Variants in PRKAR1B observed in about 807,000 individuals in gnomAD.
PRKAR1B encodes the protein cAMP-dependent protein kinase type I-beta regulatory subunit.
In PRKAR1B, 22 loss-of-function variants were observed where a neutral mutation model predicts 46.5. The observed-to-expected ratio is 0.47, with a 90% CI of 0.34 to 0.68. PRKAR1B has a LOEUF of 0.68. Among genes scored for constraint, PRKAR1B ranks in the 30% least tolerant of loss-of-function variants. The pLI is 0.01. For synonymous variants in PRKAR1B, 259 were observed against 217.7 expected, an observed-to-expected ratio of 1.19 and a Z score of -1.67; for missense variants, 445 against 535.6, an observed-to-expected ratio of 0.83 and a Z score of 1.67.
chr7:689,330 C>A (rs1166422804), intron 2 of PRKAR1B, among the ~76,000 whole-genome samples: 5 of 151,912 alleles, frequency 3.3e-5, no homozygotes, highest in Non-Finnish European at 4.4e-5. Context: ...ATCATATTAG[C>A]CAGGATGGTC....
At chr7:557,452 C>G (rs1044773816) in intron 9 of PRKAR1B, among the ~76,000 whole-genome samples, 9 of 152,250 alleles carry the variant, frequency 5.9e-5, no homozygotes, top group Admixed American at 2.0e-4. Context: ...GATACACCAC[C>G]CTGCACACTG....
intron 4 of PRKAR1B, among the ~76,000 whole-genome samples, chr7:631,323 C>T (rs1248811433): frequency 2.6e-5 from 4 of 152,318 alleles, no homozygotes; most frequent in South Asian, 2.1e-4. Context: ...GTGTGGACAG[C>T]GGCCCACCTC....
chr7:563,017 ATGAAATCTCCACTG>A (rs1471756437), intron 9 of PRKAR1B, among the ~76,000 whole-genome samples: 1 of 152,226 alleles, frequency 6.6e-6, no homozygotes, highest in Non-Finnish European at 1.5e-5. Context: ...ACGGGCGCTG[ATGAAATCTCCACTG>A]TGACTTCACA....
intron 4 of PRKAR1B, among the ~76,000 whole-genome samples, chr7:676,296 C>T (rs1208926633): frequency 1.6e-4 from 24 of 152,298 alleles, no homozygotes; most frequent in African/African-American, 5.8e-4. Flanking sequence ...CACGCTCAGC[C>T]CTCTCCCTGA....
In PRKAR1B at chr7:721,957, C is replaced by T. The variant is rs531443211; in HGVS notation, c.-23+5253G>A. Among the ~76,000 whole-genome samples the T allele has an allele frequency of 2.0e-3, 308 of 152,186 alleles. 2 individuals are homozygous for T. Among genetic ancestry groups the T allele is most frequent in the Non-Finnish European group, 2.8e-3 (190 of 68,016 alleles). On this transcript the variant is annotated intron_variant, in intron 1 of 10. Transcript: ENST00000537384. ...CTCTCTGTCAGTTAGTACTTTTCCT[C>T]CTTCTGTCTTTAGTTTCCAGGAGTT...
At chr7:594,029 C>T (rs1781132034) in intron 7 of PRKAR1B, among the ~76,000 whole-genome samples, 1 of 152,058 alleles carries the variant, frequency 6.6e-6, no homozygotes, top group Non-Finnish European at 1.5e-5. Context: ...ATCCTTGTTC[C>T]CCAATCAGAC....
At chr7:559,221 G>A (rs10230706) in intron 9 of PRKAR1B, among the ~76,000 whole-genome samples, 33,867 of 152,128 alleles carry the variant, frequency 0.22, 3,918 homozygotes, top group Non-Finnish European at 0.25. Flanking sequence ...CGCCAGGAGA[G>A]CCGAGAATCA....
At chr7:591,215 ATGTTCCTTC>A (rs1780956475) in intron 7 of PRKAR1B, among the ~76,000 whole-genome samples, 1 of 152,150 alleles carries the variant, frequency 6.6e-6, no homozygotes, top group South Asian at 2.1e-4. Context: ...TTTTGGGATC[ATGTTCCTTC>A]TGTGGCTGAG....
chr7:677,192 C>T (rs374662822), intron 4 of PRKAR1B, 37 bp downstream of exon 4: 36 of 1,598,932 alleles, frequency 2.3e-5, no homozygotes, highest in East Asian at 6.7e-5. Flanking sequence ...CCGAGGAGGG[C>T]GGCGGTGATG....
chr7:685,705 T>C (rs1400029640), intron 2 of PRKAR1B, among the ~76,000 whole-genome samples: 1 of 151,864 alleles, frequency 6.6e-6, no homozygotes, highest in East Asian at 1.9e-4. Context: ...TAGAGGACAA[T>C]GAAACGAAGC....
chr7:631,956 C>CAAA (rs35750745), intron 4 of PRKAR1B, among the ~76,000 whole-genome samples: 1 of 147,880 alleles, frequency 6.8e-6, no homozygotes. Context: ...GACCCTGTCT[C>CAAA]AAAAAAAAAA....
intron 4 of PRKAR1B, among the ~76,000 whole-genome samples, chr7:655,060 T>C (rs1785125344): frequency 6.6e-6 from 1 of 152,230 alleles, no homozygotes; most frequent in African/African-American, 2.4e-5. Flanking sequence ...CAGCATCTCC[T>C]GCCTGGAATT....
chr7:568,590 C>A (rs906164216), intron 9 of PRKAR1B, among the ~76,000 whole-genome samples: 1 of 152,226 alleles, frequency 6.6e-6, no homozygotes, highest in Non-Finnish European at 1.5e-5. Flanking sequence ...GACCACCCCC[C>A]ACAAGGGAGG....
intron 2 of PRKAR1B, among the ~76,000 whole-genome samples, chr7:681,528 T>A (rs982986734): frequency 2.6e-5 from 4 of 152,078 alleles, no homozygotes; most frequent in Non-Finnish European, 5.9e-5. Context: ...TTAAAGTGAG[T>A]GAGAGGCTGA....
At chr7:585,757 G>A (rs551481581) in intron 7 of PRKAR1B, among the ~76,000 whole-genome samples, 62 of 152,176 alleles carry the variant, frequency 4.1e-4, no homozygotes, top group Middle Eastern at 3.4e-3. Context: ...CTGCAGCTCC[G>A]CAGGGCTGAG....
chr7:643,821 G>A (rs28398949), intron 4 of PRKAR1B, among the ~76,000 whole-genome samples: 2 of 152,092 alleles, frequency 1.3e-5, no homozygotes, highest in African/African-American at 4.8e-5. Context: ...TTGTGAGGGA[G>A]CTCAAGCCCC....
chr7:554,077 G>C (rs904120276), intron 9 of PRKAR1B, among the ~76,000 whole-genome samples: 7 of 152,254 alleles, frequency 4.6e-5, no homozygotes, highest in African/African-American at 7.2e-5. Context: ...TCTCCTCCCA[G>C]TCCTGGCACT....
At chr7:690,290 T>C (rs1213695448) in intron 2 of PRKAR1B, among the ~76,000 whole-genome samples, 1 of 150,184 alleles carries the variant, frequency 6.7e-6, no homozygotes, top group Admixed American at 6.6e-5. Context: ...AGTGAGACTC[T>C]GTCTCAAAAA....
At chr7:715,785 T>A (rs548205980) in intron 1 of PRKAR1B, among the ~76,000 whole-genome samples, 33 of 151,664 alleles carry the variant, frequency 2.2e-4, no homozygotes, top group African/African-American at 7.7e-4. Context: ...GCGTGATCTC[T>A]GCTCACTGCA....
Sources: gnomAD v4.1 joint callset for allele counts (sites outside exome capture counted in the v4.1 genomes callset) on GRCh38, gnomAD v4.1.1 for gene constraint, MANE v1.5 for transcripts, NCBI Gene and HGNC (gene_info 2026-07-23, HGNC 2026-07-21) for gene names.